The following VDAC1 variants were observed in gnomAD, a reference collection of about 807,000 sequenced individuals.
The protein encoded by VDAC1 is voltage dependent anion channel 1, also known as non-selective voltage-gated ion channel VDAC1.
A neutral mutation model predicts 34.7 loss-of-function variants in VDAC1; 10 were observed. The observed-to-expected ratio is 0.29, with a 90% CI of 0.18 to 0.49. The LOEUF (loss-of-function observed/expected upper bound fraction) is 0.49. Among genes scored for constraint, VDAC1 ranks in the 20% least tolerant of loss-of-function variants. The pLI is 0.99. For synonymous variants in VDAC1, 130 were observed against 136.0 expected, an observed-to-expected ratio of 0.96 and a Z score of 0.30; for missense variants, 230 against 347.9, an observed-to-expected ratio of 0.66 and a Z score of 2.69.
the VDAC1 span, among the ~76,000 whole-genome samples, chr5:134,080,631 A>G: frequency 2.6e-5 from 4 of 152,208 alleles, no homozygotes; most frequent in East Asian, 1.9e-4. Flanking sequence ...CACCAACAAC[A>G]TGAGTTGACA....
At chr5:134,020,744 T>C in the VDAC1 span, among the ~76,000 whole-genome samples, 1 of 152,098 alleles carries the variant, frequency 6.6e-6, no homozygotes, top group African/African-American at 2.4e-5. Flanking sequence ...TGGCGCGATC[T>C]CGGCTCACTG....
chr5:134,042,569 C>T, the VDAC1 span, among the ~76,000 whole-genome samples: 1 of 152,190 alleles, frequency 6.6e-6, no homozygotes, highest in Non-Finnish European at 1.5e-5. Context: ...TCTCAGCTCA[C>T]TGCAACCTCC....
At chr5:134,083,781 G>A in the VDAC1 span, among the ~76,000 whole-genome samples, 1 of 152,256 alleles carries the variant, frequency 6.6e-6, no homozygotes, top group African/African-American at 2.4e-5. Context: ...AGTCCAGAGA[G>A]GGAGACAAGA....
At chr5:134,012,252 C>T in the VDAC1 span, among the ~76,000 whole-genome samples, 1 of 152,168 alleles carries the variant, frequency 6.6e-6, no homozygotes, top group East Asian at 1.9e-4. Context: ...CCCAGAGAGA[C>T]TGATTTCAGA....
intron 6 of VDAC1, among the ~76,000 whole-genome samples, chr5:133,977,877 A>T (rs1004424664): frequency 3.9e-5 from 6 of 152,288 alleles, no homozygotes; most frequent in Non-Finnish European, 7.3e-5. Flanking sequence ...TCCTTTGATT[A>T]AAAAAATTAA....
the VDAC1 span, among the ~76,000 whole-genome samples, chr5:134,020,042 C>CCTGTGA: frequency 2.6e-5 from 4 of 151,944 alleles, no homozygotes; most frequent in African/African-American, 9.7e-5. Context: ...ATACCTGCCC[C>CCTGTGA]CTGTGACCTA....
chr5:134,002,825 C>T (rs955699279), intron 1 of VDAC1, among the ~76,000 whole-genome samples: 1 of 151,934 alleles, frequency 6.6e-6, no homozygotes, highest in East Asian at 1.9e-4. Flanking sequence ...ATTAGCCAGG[C>T]GTGGTGGTGT....
rs749356280 is a variant in VDAC1, at chr5:133,976,037, G to T, written c.552-16C>A. On this transcript the variant is annotated splice_polypyrimidine_tract_variant and intron_variant, in intron 6 of 8. Transcript: ENST00000265333. ...CCCGTCATTCCTGCAAACAAGCACAGGACAGATGCTGAGCTTCCCAGGGAG... is the reference window on the plus strand; with the variant it reads ...CCCGTCATTCCTGCAAACAAGCACATGACAGATGCTGAGCTTCCCAGGGAG... 3.1e-6 allele frequency: 5 copies of T among 1,613,892 alleles called. No homozygotes were observed. Among genetic ancestry groups the T allele is most frequent in the Middle Eastern group, 1.6e-4 (1 of 6,084 alleles).
the VDAC1 span, among the ~76,000 whole-genome samples, chr5:134,043,186 A>G: frequency 5.9e-5 from 9 of 152,338 alleles, no homozygotes; most frequent in South Asian, 1.9e-3. Context: ...AAAGTGATAT[A>G]ATCAATTTTG....
chr5:134,060,825 G>A, the VDAC1 span, among the ~76,000 whole-genome samples: 93,477 of 149,060 alleles, frequency 0.63, 30,565 homozygotes, highest in East Asian at 0.79. Flanking sequence ...AAATGAAAAC[G>A]ATATAGTAGA....
chr5:134,081,283 C>T, the VDAC1 span, among the ~76,000 whole-genome samples: 31,599 of 151,984 alleles, frequency 0.21, 3,643 homozygotes, highest in South Asian at 0.4. Flanking sequence ...GTGATCTGCC[C>T]GCCTCGGCCT....
the VDAC1 span, among the ~76,000 whole-genome samples, chr5:134,050,200 G>T: frequency 6.6e-6 from 1 of 152,102 alleles, no homozygotes. Context: ...AGTGAGCCGA[G>T]ATCACGCCAT....
chr5:133,979,798 C>T (rs192446810), intron 6 of VDAC1, among the ~76,000 whole-genome samples: 277 of 152,236 alleles, frequency 1.8e-3, no homozygotes, highest in Middle Eastern at 3.4e-3. Flanking sequence ...GTAACCATGA[C>T]GACAGTCAGA....
intron 5 of VDAC1, among the ~76,000 whole-genome samples, chr5:133,986,471 G>A (rs1177665487): frequency 1.3e-5 from 2 of 151,568 alleles, no homozygotes; most frequent in African/African-American, 2.4e-5. Flanking sequence ...ATCTCGGCTC[G>A]CTGCAACCTC....
chr5:134,051,669 T>G, the VDAC1 span, among the ~76,000 whole-genome samples: 2 of 14,248 alleles, frequency 1.4e-4, no homozygotes, highest in East Asian at 2.2e-3. Context: ...GGGCAGTTTG[T>G]TTTTTTTTTT....
the VDAC1 span, among the ~76,000 whole-genome samples, chr5:134,021,372 G>T: frequency 2.7e-5 from 4 of 149,952 alleles, no homozygotes; most frequent in Non-Finnish European, 4.4e-5. Flanking sequence ...GGTGTGTGAT[G>T]TTCCCCACTC....
the VDAC1 span, among the ~76,000 whole-genome samples, chr5:134,063,389 C>T: frequency 1.3e-5 from 2 of 152,152 alleles, no homozygotes; most frequent in African/African-American, 4.8e-5. Flanking sequence ...CCTCCCTACC[C>T]CCATCCCTGT....
In VDAC1 at chr5:133,972,251, C is replaced by T; in HGVS notation, c.*520G>A. On this transcript the variant is annotated 3_prime_UTR_variant, in exon 9 of 9. Coordinates refer to ENST00000265333, the MANE Select transcript of VDAC1 (RefSeq NM_003374.3). Reference sequence around the variant, plus strand: ...CCACCTTCTCCACCCCAAAATGGCACAAAAGAAACAGTTACCACACCCTGC... The same window carrying T: ...CCACCTTCTCCACCCCAAAATGGCATAAAAGAAACAGTTACCACACCCTGC... 5.2e-6 allele frequency: 1 copy of T among 194,090 alleles called. No individual in the cohort carries two copies. The highest frequency in any genetic ancestry group is 1.9e-4 in the South Asian group (1 of 5,172). 12.0% of individuals were successfully genotyped at this position (194,090 alleles called of 1,614,324 possible). A position where few individuals can be genotyped will look rare whatever the true frequency, so the allele number is the denominator to read the frequency against.
At chr5:134,000,291 G>T (rs963665154) in intron 1 of VDAC1, among the ~76,000 whole-genome samples, 1 of 152,102 alleles carries the variant, frequency 6.6e-6, no homozygotes, top group Non-Finnish European at 1.5e-5. Context: ...CAACAGTCTC[G>T]CAGTGGGCAG....
Sources: allele counts gnomAD v4.1 joint callset (sites outside exome capture counted in the v4.1 genomes callset), GRCh38; gene constraint gnomAD v4.1.1; transcripts MANE v1.5; gene names NCBI Gene and HGNC (gene_info 2026-07-23, HGNC 2026-07-21).